SIPA1L3: variants seen among roughly 807,000 people sequenced by gnomAD.
The protein encoded by SIPA1L3 is signal induced proliferation associated 1 like 3, also known as signal-induced proliferation-associated 1-like protein 3.
In SIPA1L3, 59 loss-of-function variants were observed where a neutral mutation model predicts 150.1. The ratio of observed to expected loss-of-function variants is 0.39; its 90% CI spans 0.32 to 0.49. The LOEUF is 0.49. SIPA1L3 is among the 20% of genes least tolerant of loss of function. SIPA1L3 has a pLI of 0.86. For synonymous variants in SIPA1L3, 1,070 were observed against 1,077.6 expected (o/e 0.99, Z 0.14); for missense variants, 2,211 against 2,489.5 (o/e 0.89, Z 2.38).
chr19:37,982,149 G>A (rs1000043806), intron 1 of SIPA1L3, among the ~76,000 whole-genome samples: 1 of 152,248 alleles, frequency 6.6e-6, no homozygotes, highest in Non-Finnish European at 1.5e-5. Flanking sequence ...GTATCTGTCT[G>A]ATCAGAGAAA....
intron 1 of SIPA1L3, among the ~76,000 whole-genome samples, chr19:37,922,368 G>T (rs1407481120): frequency 6.6e-6 from 1 of 152,016 alleles, no homozygotes. Flanking sequence ...GATTACAGGT[G>T]TGAGTCACTG....
At chr19:38,162,225 C>G in intron 13 of SIPA1L3, 28 bp from the exon 14 acceptor site, 11 of 1,574,400 alleles carry the variant, frequency 7.0e-6, no homozygotes, top group Non-Finnish European at 9.6e-6. Context: ...CACTCCTAAC[C>G]ACTGGTGTGT....
chr19:37,961,266 T>C (rs1368743629), intron 1 of SIPA1L3, among the ~76,000 whole-genome samples: 1 of 151,608 alleles, frequency 6.6e-6, no homozygotes, highest in African/African-American at 2.4e-5. Flanking sequence ...GTTATCTTCG[T>C]ACCTGGGCTT....
At chr19:38,120,746 G>A (rs533603706) in intron 9 of SIPA1L3, among the ~76,000 whole-genome samples, 1 of 152,364 alleles carries the variant, frequency 6.6e-6, no homozygotes, top group African/African-American at 2.4e-5. Flanking sequence ...AAGAGTGGCA[G>A]ATTGGTGATA....
At chr19:38,115,799 C>T (rs1970868759) in intron 8 of SIPA1L3, among the ~76,000 whole-genome samples, 1 of 152,230 alleles carries the variant, frequency 6.6e-6, no homozygotes, top group Admixed American at 6.5e-5. Context: ...ATAACATGCC[C>T]TGTTCCCTTT....
chr19:38,179,331 A>G (rs1972510684), intron 15 of SIPA1L3, among the ~76,000 whole-genome samples: 1 of 152,214 alleles, frequency 6.6e-6, no homozygotes, highest in Admixed American at 6.5e-5. Flanking sequence ...AATCCCAGCT[A>G]CTCAGGAGGC....
chr19:38,196,808 A>G (rs1972963535), intron 18 of SIPA1L3, among the ~76,000 whole-genome samples: 1 of 152,118 alleles, frequency 6.6e-6, no homozygotes, highest in Non-Finnish European at 1.5e-5. Flanking sequence ...CCAGGAGGCC[A>G]AGGACTCGTT....
Position 38,081,578 on chromosome 19 carries a change from C to G in SIPA1L3, c.13C>G (p.Arg5Gly), listed in dbSNP as rs776969515. The stretch of plus-strand genomic sequence containing the variant: ...GTGCCCGTGGACTATGACCACCTAT[C>G]GGGCCATCCCCAGCGATGGTGTGGA... MTTY[R>G]AIPSDGVDLA... Residue 5 changes from arginine (R) to glycine (G), a missense_variant, in exon 3 of 22, where the codon CGG (arginine) becomes GGG (glycine). Arg to Gly is a moderately radical substitution (Grantham distance 125, BLOSUM62 -2). Coordinates refer to ENST00000222345, the MANE Select transcript of SIPA1L3 (RefSeq NM_015073.3). 3.2e-6 allele frequency: 5 copies of G among 1,586,802 alleles called. No homozygotes were observed. The highest frequency in any genetic ancestry group is 1.7e-5 in the Admixed American group (1 of 58,636).
At chr19:37,923,671 A>G (rs570360669) in intron 1 of SIPA1L3, among the ~76,000 whole-genome samples, 1 of 152,162 alleles carries the variant, frequency 6.6e-6, no homozygotes, top group African/African-American at 2.4e-5. Context: ...AATTTATTTT[A>G]AAAAATGTTT....
rs540743928 is a variant in SIPA1L3 at position 38,188,262 on chromosome 19, T to C, written c.4431-3883T>C. 8.8e-4 allele frequency among the ~76,000 whole-genome samples: 134 copies of C among 151,946 alleles called. No homozygotes were observed. In the South Asian group the frequency reaches 0.011, roughly 13 times the overall value. On this transcript the variant is annotated intron_variant, in intron 16 of 21. Transcript: ENST00000222345. The stretch of plus-strand genomic sequence containing the variant: ...GCACAGTGGCATGATCACAGCTCAC[T>C]GCAGCCTCTGCCTCCTGGTACAAGT...
At chr19:38,179,290 A>G (rs1228083901) in intron 15 of SIPA1L3, among the ~76,000 whole-genome samples, 1 of 152,144 alleles carries the variant, frequency 6.6e-6, no homozygotes, top group Admixed American at 6.6e-5. Flanking sequence ...AAAAATACAA[A>G]AATTAGCTGG....
chr19:37,908,627 T>C (rs1031580248), intron 1 of SIPA1L3, among the ~76,000 whole-genome samples: 1 of 151,358 alleles, frequency 6.6e-6, no homozygotes, highest in African/African-American at 2.4e-5. Flanking sequence ...TTTTTTTTTT[T>C]AATAGGCCCT....
At chr19:38,015,888 T>C (rs903821722) in intron 1 of SIPA1L3, among the ~76,000 whole-genome samples, 12 of 152,118 alleles carry the variant, frequency 7.9e-5, no homozygotes, top group Non-Finnish European at 1.5e-4. Flanking sequence ...TCCCTTGTAG[T>C]TGTGATAATA....
chr19:38,058,113 C>T (rs935529389), intron 2 of SIPA1L3, among the ~76,000 whole-genome samples: 1 of 152,140 alleles, frequency 6.6e-6, no homozygotes, highest in Non-Finnish European at 1.5e-5. Context: ...TTTTCCTGGT[C>T]TCCTGAGGGC....
At position 38,082,532 on chromosome 19, in the gene SIPA1L3, G is replaced by A. The variant is rs771614621; in HGVS notation, c.967G>A (p.Glu323Lys). Residue 323 changes from glutamate (E) to lysine (K), a missense_variant, in exon 3 of 22, where the codon GAG (glutamate) becomes AAG (lysine). By Grantham distance (56) the Glu-to-Lys change is moderately conservative. Coordinates refer to ENST00000222345, the MANE Select transcript of SIPA1L3 (RefSeq NM_015073.3). Reference sequence around the variant, plus strand: ...TGGGCGTTCCCCGGGGGAGGCCGACGAGGGCCGGAGCCCCCCGGAAGCCAG... The same window carrying A: ...TGGGCGTTCCCCGGGGGAGGCCGACAAGGGCCGGAGCCCCCCGGAAGCCAG... ...EAGRSPGEAD[E>K]GRSPPEASRP... 59 of 1,598,664 alleles carry A rather than the reference G, an allele frequency of 3.7e-5. No individual in the cohort carries two copies. The highest frequency in any genetic ancestry group is 4.3e-5 in the Non-Finnish European group (51 of 1,172,970).
rs66830496 is a variant in SIPA1L3, at chr19:38,078,438, GCACACACACACACA to G, written c.-310-2799_-310-2786del. On this transcript the variant is annotated intron_variant, in intron 2 of 21. Coordinates refer to ENST00000222345, the MANE Select transcript of SIPA1L3 (RefSeq NM_015073.3). ...AGCCCCCCTACACATGCGCATACAT[GCACACACACACACA>G]CACACACACACACACACAGGCACAC... Among the ~76,000 whole-genome samples, 15 of 139,004 alleles carry G rather than the reference GCACACACACACACA, an allele frequency of 1.1e-4. 2 individuals are homozygous for G. The South Asian group carries it at 3.5e-3, about 33-fold the overall frequency. The allele number at this position is 139,004 out of a possible 152,430, so 91.2% of individuals were successfully genotyped here.
At chr19:38,027,717 A>G (rs1407362648) in intron 1 of SIPA1L3, among the ~76,000 whole-genome samples, 4 of 149,244 alleles carry the variant, frequency 2.7e-5, no homozygotes, top group Non-Finnish European at 5.9e-5. Context: ...GGGTCTTGCT[A>G]TGTTGCCCAG....
chr19:37,915,110 T>C (rs972145358), intron 1 of SIPA1L3, among the ~76,000 whole-genome samples: 2 of 152,126 alleles, frequency 1.3e-5, no homozygotes, highest in African/African-American at 2.4e-5. Flanking sequence ...AGTACCTAAT[T>C]GATGTGGCAG....
At chr19:38,006,922 A>G (rs1410636238) in intron 1 of SIPA1L3, among the ~76,000 whole-genome samples, 1 of 152,240 alleles carries the variant, frequency 6.6e-6, no homozygotes, top group East Asian at 1.9e-4. Context: ...ATAAGGCACT[A>G]GAGGAATCAG....
Sources: allele counts gnomAD v4.1 joint callset (sites outside exome capture counted in the v4.1 genomes callset), GRCh38; gene constraint gnomAD v4.1.1; transcripts MANE v1.5; gene names NCBI Gene and HGNC (gene_info 2026-07-23, HGNC 2026-07-21).